The following MPPE1 variants were observed in gnomAD, a reference collection of about 807,000 sequenced individuals.
MPPE1 encodes metallophosphoesterase 1.
A neutral mutation model predicts 43.8 loss-of-function variants in MPPE1; 28 were observed. The ratio of observed to expected loss-of-function variants is 0.64; its 90% CI spans 0.47 to 0.88. MPPE1 has a LOEUF of 0.88. Among genes scored for constraint, MPPE1 ranks in the 40% least tolerant of loss-of-function variants. MPPE1 has a pLI of 0.00. For synonymous variants in MPPE1, 159 were observed against 188.5 expected, an observed-to-expected ratio of 0.84 and a Z score of 1.28; for missense variants, 428 against 492.2, an observed-to-expected ratio of 0.87 and a Z score of 1.23.
intron 3 of MPPE1, among the ~76,000 whole-genome samples, chr18:11,896,402 T>C (rs114012419): frequency 0.051 from 7,807 of 152,162 alleles, 376 homozygotes; most frequent in African/African-American, 0.13. Context: ...GCACCTGGCC[T>C]AAAAATAATT....
At chr18:11,894,774 G>A (rs1355836321) in intron 3 of MPPE1, among the ~76,000 whole-genome samples, 1 of 151,888 alleles carries the variant, frequency 6.6e-6, no homozygotes, top group African/African-American at 2.4e-5. Flanking sequence ...ATATTTAGTA[G>A]AGACGGGGTT....
Position 11,897,005 on chromosome 18 carries a change from T to G in MPPE1, c.260A>C (p.His87Pro), listed in dbSNP as rs1337597181. The G allele has an allele frequency of 6.3e-7, 1 of 1,595,638 alleles. No individual in the cohort carries two copies. The highest frequency in any genetic ancestry group is 1.1e-5 in the South Asian group (1 of 88,120). Residue 87 changes from histidine to proline, a missense_variant, in exon 3 of 11, where the codon CAC becomes CCC. Physicochemically the swap from His to Pro is moderately conservative, Grantham distance 77 (BLOSUM62 -2). Transcript: ENST00000588072. ...TTACCTTCGTAATTTGTCCAGCCAG[T>G]GGCCTAGGAATTCCCCAAGCAAATG... ...DTHLLGEFLG[H>P]WLDKLRREWQ...
At position 11,888,203 on chromosome 18, in the gene MPPE1, A is replaced by C. The variant is rs561848143; in HGVS notation, c.569+466T>G. ...TCAGGATGCTCTGGTCTAAAAGCCCAGGCCAATGGAGATGGGTGGCACAGA... is the reference window on the plus strand; with the variant it reads ...TCAGGATGCTCTGGTCTAAAAGCCCCGGCCAATGGAGATGGGTGGCACAGA... On this transcript the variant is annotated intron_variant, in intron 6 of 10. Transcript: ENST00000588072. Among the ~76,000 whole-genome samples, 6 of 152,356 alleles carry C rather than the reference A, an allele frequency of 3.9e-5. No individual in the cohort carries two copies. The East Asian group carries it at 9.6e-4, about 24-fold the overall frequency.
At chr18:11,887,627 C>A (rs2037487264) in intron 6 of MPPE1, among the ~76,000 whole-genome samples, 1 of 152,178 alleles carries the variant, frequency 6.6e-6, no homozygotes, top group African/African-American at 2.4e-5. Context: ...ACTCAGCAGC[C>A]ACATTTTTTT....
chr18:11,906,159 C>T (rs1021126932), intron 2 of MPPE1, 44 bp downstream of exon 2: 1 of 152,164 alleles, frequency 6.6e-6, no homozygotes, highest in African/African-American at 2.4e-5. Flanking sequence ...TCTCTGGTAC[C>T]TCCAGACATA....
rs2037627286 is a variant in MPPE1 at position 11,888,750 on chromosome 18, T to A, written c.495-7A>T. On this transcript the variant is annotated splice_polypyrimidine_tract_variant and splice_region_variant and intron_variant, in intron 5 of 10. Coordinates refer to ENST00000588072, the MANE Select transcript of MPPE1 (RefSeq NM_023075.6). ...TACTTTGTATGTGTTCATCCTATATTCAATTGTGAGAAGAAACATTTTTCA... is the reference window on the plus strand; with the variant it reads ...TACTTTGTATGTGTTCATCCTATATACAATTGTGAGAAGAAACATTTTTCA... 6.4e-7 allele frequency: 1 copy of A among 1,551,052 alleles called. No homozygotes were observed. The highest frequency in any genetic ancestry group is 2.1e-5 in the Admixed American group (1 of 46,956).
At position 11,897,064 on chromosome 18, in the gene MPPE1, C is replaced by T. The variant is rs371769512; in HGVS notation, c.201G>A (p.Glu67=). ...TASDGEQTTR[E]PVLKAMFLAD... is the part of the protein sequence containing the mutation. ...CCAAAAACATGGCTTTGAGCACAGG[C>T]TCACGTGTGGTCTGTTCACCATCAG... The change falls in exon 3 of 11, where the codon GAG becomes GAA. Residue 67 remains glutamate (E), a synonymous_variant. Transcript: ENST00000588072. 3 of 1,531,330 alleles carry T rather than the reference C, an allele frequency of 2.0e-6. No individual in the cohort carries two copies. The highest frequency in any genetic ancestry group is 2.7e-6 in the Non-Finnish European group (3 of 1,131,248). The allele number at this position is 1,531,330 out of a possible 1,614,324, so 94.9% of individuals were successfully genotyped here.
chr18:11,892,829 C>T (rs2038155978), intron 4 of MPPE1, among the ~76,000 whole-genome samples: 2 of 152,162 alleles, frequency 1.3e-5, no homozygotes, highest in African/African-American at 2.4e-5. Context: ...TGTCTTCATT[C>T]GTTTTGTTCC....
At chr18:11,896,576 A>G (rs1231213140) in intron 3 of MPPE1, among the ~76,000 whole-genome samples, 4 of 152,294 alleles carry the variant, frequency 2.6e-5, no homozygotes, top group African/African-American at 9.6e-5. Context: ...GTTACACAGC[A>G]ATGAAGGTGA....
chr18:11,891,508 A>G (rs2144351900), intron 4 of MPPE1: 1 of 152,288 alleles, frequency 6.6e-6, no homozygotes, highest in South Asian at 2.1e-4. Context: ...AGAGTAACAT[A>G]AAATCAGAAT....
chr18:11,895,926 GGAA>G (rs755941501), intron 3 of MPPE1, among the ~76,000 whole-genome samples: 89 of 151,930 alleles, frequency 5.9e-4, no homozygotes, highest in Non-Finnish European at 1.0e-3. Context: ...AACAGCAGCA[GGAA>G]GAAGGTACAG....
At chr18:11,889,558 T>G in intron 4 of MPPE1, 68 bp from the exon 5 acceptor site, 3 of 1,269,878 alleles carry the variant, frequency 2.4e-6, no homozygotes, top group Non-Finnish European at 3.3e-6. Context: ...AAAAACAGGA[T>G]CCCTATTTTG....
intron 4 of MPPE1, among the ~76,000 whole-genome samples, chr18:11,891,005 C>G (rs1398605348): frequency 1.3e-5 from 2 of 151,048 alleles, no homozygotes; most frequent in Admixed American, 1.3e-4. Context: ...TTTTATAAAG[C>G]TAAAAATATC....
chr18:11,893,671 T>TCCACTCTCCTTCTTCCAGAGCC, intron 3 of MPPE1, 95 bp from the exon 4 acceptor site: 1 of 945,202 alleles, frequency 1.1e-6, no homozygotes, highest in Non-Finnish European at 1.6e-6. Context: ...ACTAAATGGT[T>TCCACTCTCCTTCTTCCAGAGCC]CCACTCTCCT....
At position 11,884,454 on chromosome 18, in the gene MPPE1, C is replaced by G. The variant is rs142295478; in HGVS notation, c.1182G>C (p.Lys394Asn). 1.7e-4 allele frequency: 270 copies of G among 1,614,006 alleles called. 2 individuals carry two copies. The highest frequency in any genetic ancestry group is 2.1e-4 in the Non-Finnish European group (247 of 1,179,964). ...TAATGGCGCCTGCTCTTCATCTTGT[C>G]TTACGCTTTCCGAGCAAGTTCAAAC... The part of the protein sequence containing the change: ...LSGLNLLGKR[K>N]TR Residue 394 changes from lysine (K) to asparagine (N), a missense_variant, in exon 11 of 11, where the codon AAG becomes AAC. Coordinates refer to ENST00000588072, the MANE Select transcript of MPPE1 (RefSeq NM_023075.6).
At position 11,883,360 on chromosome 18, in the gene MPPE1, AT is replaced by A. The variant is rs1304957415; in HGVS notation, c.*1084del. On this transcript the variant is annotated 3_prime_UTR_variant, in exon 11 of 11. Transcript: ENST00000588072. ...TGCACCCCCAGCAAGAAAGGGAAGTATGCTGTTGTATGCATCATTACTCAAC... is the reference window on the plus strand; with the variant it reads ...TGCACCCCCAGCAAGAAAGGGAAGTAGCTGTTGTATGCATCATTACTCAAC... 6.5e-6 allele frequency: 1 copy of A among 153,250 alleles called. No homozygotes were observed. The highest frequency in any genetic ancestry group is 1.5e-5 in the Non-Finnish European group (1 of 68,034). 9.5% of individuals were successfully genotyped at this position (153,250 alleles called of 1,614,324 possible).
At chr18:11,900,885 C>T (rs575697768) in intron 2 of MPPE1, among the ~76,000 whole-genome samples, 140 of 140,902 alleles carry the variant, frequency 9.9e-4, no homozygotes, top group African/African-American at 3.5e-3. Context: ...CCAGCCTGGG[C>T]GACAGAGCAA....
intron 3 of MPPE1, 115 bp from the exon 4 acceptor site, chr18:11,893,691 G>C: frequency 1.3e-6 from 1 of 788,680 alleles, no homozygotes; most frequent in Admixed American, 2.4e-5. Flanking sequence ...TTCTTCCAGA[G>C]CCCCACTCTT....
At chr18:11,900,739 C>T (rs554042151) in intron 2 of MPPE1, among the ~76,000 whole-genome samples, 16 of 151,832 alleles carry the variant, frequency 1.1e-4, no homozygotes, top group Non-Finnish European at 1.9e-4. Flanking sequence ...AACCCCATCT[C>T]TACTAAAAAT....
Sources: allele counts gnomAD v4.1 joint callset (sites outside exome capture counted in the v4.1 genomes callset), GRCh38; gene constraint gnomAD v4.1.1; transcripts MANE v1.5; gene names NCBI Gene and HGNC (gene_info 2026-07-23, HGNC 2026-07-21).